CCR3: variants seen among roughly 807,000 people sequenced by gnomAD.
CCR3 encodes C-C chemokine receptor type 3.
For missense variants in CCR3, 419 were observed against 437.5 expected, an observed-to-expected ratio of 0.96 and a Z score of 0.38; for synonymous variants, 203 against 179.2, an observed-to-expected ratio of 1.13 and a Z score of -1.06.
intron 1 of CCR3, among the ~76,000 whole-genome samples, chr3:46,257,622 T>A (rs1168356783): frequency 1.3e-5 from 2 of 152,104 alleles, no homozygotes; most frequent in Non-Finnish European, 2.9e-5. Context: ...TAATGGCATA[T>A]CATTCCAGTA....
chr3:46,241,133 CTT>C (rs1700077108), upstream of CCR3, among the ~76,000 whole-genome samples: 1 of 148,656 alleles, frequency 6.7e-6, no homozygotes, highest in African/African-American at 2.5e-5. Flanking sequence ...TCTCCCTATT[CTT>C]TCTCTCTCTC....
intron 2 of CCR3, among the ~76,000 whole-genome samples, chr3:46,221,390 A>G (rs1420241124): frequency 2.6e-5 from 4 of 152,244 alleles, no homozygotes; most frequent in Non-Finnish European, 4.4e-5. Context: ...TTTCAGCAGA[A>G]ATAGCTTTTA....
At chr3:46,250,324 A>C (rs954208334) in intron 1 of CCR3, among the ~76,000 whole-genome samples, 3 of 152,040 alleles carry the variant, frequency 2.0e-5, no homozygotes, top group Non-Finnish European at 4.4e-5. Flanking sequence ...ATTGGGACCT[A>C]GCTTGGCCTG....
chr3:46,216,226 C>T (rs760727657), intron 2 of CCR3, among the ~76,000 whole-genome samples: 5 of 152,172 alleles, frequency 3.3e-5, no homozygotes, highest in African/African-American at 9.7e-5. Context: ...GATTAAGTCC[C>T]GCTGGAATGC....
At chr3:46,223,127 G>T (rs2007374) in intron 2 of CCR3, among the ~76,000 whole-genome samples, 76,653 of 152,052 alleles carry the variant, frequency 0.5, 19,957 homozygotes, top group East Asian at 0.87. Flanking sequence ...GCTGAGGTGG[G>T]TGGATCATGA....
chr3:46,225,086 A>G (rs530525959), intron 2 of CCR3, among the ~76,000 whole-genome samples: 29 of 152,338 alleles, frequency 1.9e-4, no homozygotes, highest in Admixed American at 1.0e-3. Context: ...AGAGAATACT[A>G]TATATAGTAA....
chr3:46,238,261 A>AC (rs908604312), upstream of CCR3, among the ~76,000 whole-genome samples: 2 of 151,984 alleles, frequency 1.3e-5, no homozygotes, highest in African/African-American at 4.8e-5. Context: ...ATTTAAAAAA[A>AC]AAAGTTAGTC....
chr3:46,261,791 G>T (rs888807916), intron 1 of CCR3, among the ~76,000 whole-genome samples: 2 of 152,226 alleles, frequency 1.3e-5, no homozygotes, highest in Non-Finnish European at 2.9e-5. Flanking sequence ...AGGAGCAGCA[G>T]CCTTGCCTCA....
Position 46,250,834 on chromosome 3 carries a change from C to T in CCR3, c.-12+8296C>T, listed in dbSNP as rs546878241. Among the ~76,000 whole-genome samples, 95 of 149,608 alleles carry T rather than the reference C, an allele frequency of 6.3e-4. 1 individual carries two copies. The highest frequency in any genetic ancestry group is 1.9e-3 in the South Asian group (9 of 4,690). On this transcript the variant is annotated intron_variant, in intron 1 of 1. Coordinates refer to ENST00000395940, the MANE Select transcript of CCR3 (RefSeq NM_178329.3). ...CAGGGGTTCTTACCCTCCAGAAAAG[C>T]GGGAAGGGGGGTTGGGGCATGGAAA...
chr3:46,224,332 C>T (rs1000182626), intron 2 of CCR3, among the ~76,000 whole-genome samples: 2 of 152,166 alleles, frequency 1.3e-5, no homozygotes, highest in Non-Finnish European at 2.9e-5. Flanking sequence ...CACGGTGGCT[C>T]ACACCTGTAA....
intron 2 of CCR3, among the ~76,000 whole-genome samples, chr3:46,234,118 G>C (rs1699997723): frequency 6.6e-6 from 1 of 152,232 alleles, no homozygotes; most frequent in African/African-American, 2.4e-5. Context: ...CTGACCTTGA[G>C]AGATGTTAAC....
chr3:46,241,104 TTC>T, upstream of CCR3, among the ~76,000 whole-genome samples: 1 of 152,030 alleles, frequency 6.6e-6, no homozygotes, highest in South Asian at 2.1e-4. Context: ...CCTCCCTTTC[TTC>T]TCTTTCTCTC....
chr3:46,251,284 G>A (rs1411325980), intron 1 of CCR3, among the ~76,000 whole-genome samples: 5 of 152,084 alleles, frequency 3.3e-5, no homozygotes, highest in African/African-American at 9.7e-5. Context: ...GTCTGTGACC[G>A]GCGCCGGAGT....
At chr3:46,214,186 C>T (rs1257111989) in intron 2 of CCR3, among the ~76,000 whole-genome samples, 1 of 152,216 alleles carries the variant, frequency 6.6e-6, no homozygotes, top group Non-Finnish European at 1.5e-5. Context: ...CTGTTATCCT[C>T]ATTCTTAGCT....
chr3:46,237,100 T>G (rs1280757045), intron 2 of CCR3, among the ~76,000 whole-genome samples: 1 of 151,776 alleles, frequency 6.6e-6, no homozygotes, highest in African/African-American at 2.4e-5. Flanking sequence ...TACCACATTT[T>G]CTTTATCTAT....
At chr3:46,258,152 C>T (rs41366757) in intron 1 of CCR3, among the ~76,000 whole-genome samples, 10,779 of 152,238 alleles carry the variant, frequency 0.071, 1,281 homozygotes, top group African/African-American at 0.25. Context: ...CAATACAATG[C>T]TTCAACAAGT....
At chr3:46,219,081 A>G (rs1054474466) in intron 2 of CCR3, among the ~76,000 whole-genome samples, 1 of 152,128 alleles carries the variant, frequency 6.6e-6, no homozygotes, top group African/African-American at 2.4e-5. Flanking sequence ...AGAAAACTCT[A>G]AAGACTCATC....
intron 1 of CCR3, among the ~76,000 whole-genome samples, chr3:46,253,306 A>T (rs1700353849): frequency 6.6e-6 from 1 of 152,066 alleles, no homozygotes; most frequent in African/African-American, 2.4e-5. Context: ...TGGTGGTTGA[A>T]TTTGCATCTT....
chr3:46,252,921 A>T (rs868000595), intron 1 of CCR3, among the ~76,000 whole-genome samples: 2 of 140,272 alleles, frequency 1.4e-5, no homozygotes, highest in African/African-American at 5.8e-5. Context: ...TCAGGGATTT[A>T]AAAAAAAAAA....
Sources: allele counts gnomAD v4.1 joint callset (sites outside exome capture counted in the v4.1 genomes callset), GRCh38; gene constraint gnomAD v4.1.1; transcripts MANE v1.5; gene names NCBI Gene and HGNC (gene_info 2026-07-23, HGNC 2026-07-21).